The following RPGRIP1 variants were observed in gnomAD, a reference collection of about 807,000 sequenced individuals.
RPGRIP1 encodes RPGR interacting protein 1.
RPGRIP1 carries 128 observed loss-of-function variants against 157.9 expected under a neutral mutation model. That is an observed-to-expected ratio of 0.81 (90% CI 0.70 to 0.94). RPGRIP1 has a LOEUF of 0.94. RPGRIP1 is among the 40% of genes least tolerant of loss of function. RPGRIP1 has a pLI of 0.00. For synonymous variants in RPGRIP1, 554 were observed against 571.6 expected (o/e 0.97, Z 0.44); for missense variants, 1,486 against 1,545.8 (o/e 0.96, Z 0.65).
At chr14:21,293,297 C>A (rs1292126774) in intron 2 of RPGRIP1, among the ~76,000 whole-genome samples, 1 of 152,138 alleles carries the variant, frequency 6.6e-6, no homozygotes, top group Non-Finnish European at 1.5e-5. Flanking sequence ...TCCTAGGAGG[C>A]AGCTTTGGGG....
At chr14:21,309,475 C>G (rs1015165671) in intron 7 of RPGRIP1, among the ~76,000 whole-genome samples, 1 of 151,820 alleles carries the variant, frequency 6.6e-6, no homozygotes, top group Admixed American at 6.6e-5. Flanking sequence ...AGCCGAGATC[C>G]CGATACGGCA....
chr14:21,305,593 G>A (rs896712032), intron 6 of RPGRIP1, among the ~76,000 whole-genome samples: 1 of 152,184 alleles, frequency 6.6e-6, no homozygotes, highest in African/African-American at 2.4e-5. Flanking sequence ...GGGTGCGGTG[G>A]CTTATGCCTG....
rs754799432 is a variant in RPGRIP1 at position 21,310,585 on chromosome 14, C to T, written c.908C>T (p.Ala303Val). Residue 303 changes from alanine to valine, a missense_variant and splice_region_variant, in exon 8 of 25, where the codon GCA becomes GTA. Ala to Val is a moderately conservative substitution (Grantham distance 64, BLOSUM62 0). Coordinates refer to ENST00000400017, the MANE Select transcript of RPGRIP1 (RefSeq NM_020366.4). Reference sequence around the variant, plus strand: ...ATAATAATAATTTCTTTCTTCCAGGCATACGAAACCTTGCTCCAGAAGGTA... The same window carrying T: ...ATAATAATAATTTCTTTCTTCCAGGTATACGAAACCTTGCTCCAGAAGGTA... ...TKAQLTEVQE[A>V]YETLLQKNQG... The T allele has an allele frequency of 1.4e-6, 2 of 1,422,182 alleles. No individual in the cohort carries two copies. Among genetic ancestry groups the T allele is most frequent in the Non-Finnish European group, 1.9e-6 (2 of 1,049,204 alleles). The allele number at this position is 1,422,182 out of a possible 1,614,324, so 88.1% of individuals were successfully genotyped here.
intron 20 of RPGRIP1, among the ~76,000 whole-genome samples, chr14:21,333,912 AT>A (rs1349424703): frequency 6.8e-6 from 1 of 147,768 alleles, no homozygotes; most frequent in Non-Finnish European, 1.5e-5. Context: ...AGGAGAGACC[AT>A]TTGAGGCCAC....
chr14:21,310,960 C>G lies in RPGRIP1; in HGVS notation c.930+353C>G, dbSNP rs1460971667. The G allele has an allele frequency of 7.5e-6, 4 of 535,946 alleles. No homozygotes were observed. The East Asian group carries it at 2.0e-4, about 27-fold the overall frequency. 33.2% of individuals were successfully genotyped at this position (535,946 alleles called of 1,614,324 possible). ...ATAACAAAGTTGTTGCAGGTATTCT[C>G]AGATGGTCTTAAATATTTGGCCCTA... On this transcript the variant is annotated intron_variant, in intron 8 of 24. Transcript: ENST00000400017.
chr14:21,294,574 C>G, intron 2 of RPGRIP1, 103 bp from the exon 3 acceptor site: 1 of 1,185,714 alleles, frequency 8.4e-7, no homozygotes, highest in Non-Finnish European at 1.2e-6. Context: ...ATACTTGACT[C>G]AAGATAGATT....
At chr14:21,312,719 C>T (rs1028798590) in intron 10 of RPGRIP1, among the ~76,000 whole-genome samples, 2 of 150,228 alleles carry the variant, frequency 1.3e-5, no homozygotes, top group Admixed American at 6.6e-5. Flanking sequence ...GATGGAGTCT[C>T]GCTCTGCTGC....
chr14:21,341,999 G>T (rs1006570443), intron 21 of RPGRIP1, among the ~76,000 whole-genome samples: 9 of 151,362 alleles, frequency 5.9e-5, no homozygotes, highest in Admixed American at 5.9e-4. Context: ...GCTGTGAGCC[G>T]AGATCGTGCC....
intron 19 of RPGRIP1, among the ~76,000 whole-genome samples, 158 bp from the exon 20 acceptor site, chr14:21,330,091 C>T (rs888268914): frequency 3.3e-5 from 5 of 149,660 alleles, no homozygotes; most frequent in African/African-American, 1.2e-4. Context: ...GCACTCTGGC[C>T]TGAGTGACAG....
intron 2 of RPGRIP1, among the ~76,000 whole-genome samples, chr14:21,294,052 C>CAAAAA (rs370207654): frequency 3.2e-5 from 3 of 94,780 alleles, no homozygotes; most frequent in Admixed American, 1.4e-4. Flanking sequence ...GACCCTGTCT[C>CAAAAA]AAAAAAAAAA....
intron 5 of RPGRIP1, among the ~76,000 whole-genome samples, 200 bp from the exon 6 acceptor site, chr14:21,303,131 G>C (rs1881110897): frequency 6.6e-6 from 1 of 152,168 alleles, no homozygotes; most frequent in South Asian, 2.1e-4. Flanking sequence ...GCCTCCCAAA[G>C]TGCTGGGATT....
chr14:21,334,226 A>C (rs778590797), intron 20 of RPGRIP1, among the ~76,000 whole-genome samples: 25 of 151,988 alleles, frequency 1.6e-4, no homozygotes, highest in Non-Finnish European at 3.1e-4. Flanking sequence ...CCAGCCAGAG[A>C]GGCCATCTTT....
intron 3 of RPGRIP1, among the ~76,000 whole-genome samples, chr14:21,297,072 T>A (rs1469987147): frequency 2.0e-5 from 3 of 151,316 alleles, no homozygotes; most frequent in African/African-American, 7.3e-5. Flanking sequence ...ATAACAGAGG[T>A]GGAATCTCTT....
At chr14:21,334,553 TG>T in intron 20 of RPGRIP1, 51 bp from the exon 21 acceptor site, 1 of 1,273,532 alleles carries the variant, frequency 7.9e-7, no homozygotes, top group Non-Finnish European at 1.1e-6. Context: ...GGTCTTTTCT[TG>T]GGCTAAAGTG....
chr14:21,317,616 G>T, intron 10 of RPGRIP1, 80 bp from the exon 11 acceptor site: 1 of 1,550,246 alleles, frequency 6.5e-7, no homozygotes. Context: ...CTAGGTCCAG[G>T]AGATGCTGAA....
chr14:21,322,542 C>T (rs1882617643), intron 14 of RPGRIP1, among the ~76,000 whole-genome samples: 1 of 152,032 alleles, frequency 6.6e-6, no homozygotes, highest in Non-Finnish European at 1.5e-5. Flanking sequence ...TCAAGTGGGC[C>T]CAGCAATTGC....
At chr14:21,295,810 G>C (rs1880748458) in intron 3 of RPGRIP1, among the ~76,000 whole-genome samples, 1 of 152,058 alleles carries the variant, frequency 6.6e-6, no homozygotes, top group Non-Finnish European at 1.5e-5. Context: ...GTCTCACTCT[G>C]TTTGGGCTGG....
chr14:21,285,765 A>G (rs74034906), intron 1 of RPGRIP1, among the ~76,000 whole-genome samples: 9 of 152,034 alleles, frequency 5.9e-5, no homozygotes, highest in Admixed American at 2.0e-4. Flanking sequence ...CCCTGGAAAA[A>G]AAGTGTAAAT....
intron 23 of RPGRIP1, 46 bp from the exon 24 acceptor site, chr14:21,348,126 C>A (rs1486025412): frequency 1.1e-5 from 16 of 1,417,116 alleles, no homozygotes; most frequent in Non-Finnish European, 1.5e-5. Context: ...ATTTTTGAAG[C>A]ATTAAGAGTA....
Sources: gnomAD v4.1 joint callset for allele counts (sites outside exome capture counted in the v4.1 genomes callset) on GRCh38, gnomAD v4.1.1 for gene constraint, MANE v1.5 for transcripts, NCBI Gene and HGNC (gene_info 2026-07-23, HGNC 2026-07-21) for gene names.